RANBP2: variants seen among roughly 807,000 people sequenced by gnomAD.
The protein encoded by RANBP2 is RAN binding protein 2, also known as E3 SUMO-protein ligase RanBP2.
In RANBP2, 57 loss-of-function variants were observed where a neutral mutation model predicts 303.6. The observed-to-expected ratio is 0.19, with a 90% confidence interval of 0.15 to 0.23. The LOEUF (loss-of-function observed/expected upper bound fraction) is 0.23. RANBP2 is among the 10% of genes least tolerant of loss of function. RANBP2 has a pLI of 1.00. For missense variants in RANBP2, 3,138 were observed against 3,780.8 expected, an observed-to-expected ratio of 0.83 and a Z score of 4.46; for synonymous variants, 1,167 against 1,301.5, an observed-to-expected ratio of 0.90 and a Z score of 2.23.
the RANBP2 span, among the ~76,000 whole-genome samples, chr2:108,891,843 G>T: frequency 3.3e-5 from 5 of 152,192 alleles, no homozygotes; most frequent in East Asian, 9.6e-4. Flanking sequence ...TTGGCCTTCA[G>T]GTGACACTTG....
the RANBP2 span, among the ~76,000 whole-genome samples, chr2:108,980,667 C>T: frequency 1.3e-5 from 2 of 151,996 alleles, no homozygotes; most frequent in Non-Finnish European, 2.9e-5. Flanking sequence ...TCTGATAAGA[C>T]GACGTGTTAG....
At chr2:108,721,012 G>A (rs1694196268) in intron 1 of RANBP2, among the ~76,000 whole-genome samples, 1 of 152,102 alleles carries the variant, frequency 6.6e-6, no homozygotes, top group Non-Finnish European at 1.5e-5. Context: ...TCGCGCTACT[G>A]CACTCCAGCC....
chr2:108,876,890 T>C, the RANBP2 span, among the ~76,000 whole-genome samples: 2 of 152,202 alleles, frequency 1.3e-5, no homozygotes, highest in Non-Finnish European at 2.9e-5. Context: ...ACCAGAGATA[T>C]CTCTTGGTAT....
chr2:108,910,596 C>T, the RANBP2 span: 2 of 1,465,836 alleles, frequency 1.4e-6, no homozygotes, highest in Non-Finnish European at 1.9e-6. Flanking sequence ...CTGCGCTCAG[C>T]CCAACCCTGC....
the RANBP2 span, among the ~76,000 whole-genome samples, chr2:108,971,353 G>A: frequency 4.6e-5 from 7 of 152,094 alleles, no homozygotes; most frequent in Non-Finnish European, 7.4e-5. Flanking sequence ...ATTTCAGGCC[G>A]CACCCGAGAC....
the RANBP2 span, chr2:108,876,039 A>G: frequency 1.1e-5 from 14 of 1,239,000 alleles, no homozygotes; most frequent in Non-Finnish European, 1.6e-5. Context: ...CATTGCAGAT[A>G]AACTCTCTAA....
At chr2:109,544,151 G>A in the RANBP2 span, 1 of 1,551,448 alleles carries the variant, frequency 6.4e-7, no homozygotes. Flanking sequence ...TATTGACCTT[G>A]TACTTGAAAG....
At chr2:109,711,248 C>T in the RANBP2 span, among the ~76,000 whole-genome samples, 1 of 152,068 alleles carries the variant, frequency 6.6e-6, no homozygotes, top group African/African-American at 2.4e-5. Flanking sequence ...CCAGCATTCT[C>T]TGCCCTTCTT....
At chr2:108,946,318 C>G in the RANBP2 span, among the ~76,000 whole-genome samples, 2 of 152,216 alleles carry the variant, frequency 1.3e-5, no homozygotes, top group Non-Finnish European at 2.9e-5. Context: ...CCTGGGACAA[C>G]ACATATCTGA....
chr2:109,127,904 G>A, the RANBP2 span: 17 of 152,338 alleles, frequency 1.1e-4, no homozygotes, highest in East Asian at 3.1e-3. Context: ...GCTGTTTAGA[G>A]GATTAAATAA....
At chr2:109,190,015 A>G in the RANBP2 span, among the ~76,000 whole-genome samples, 1 of 152,270 alleles carries the variant, frequency 6.6e-6, no homozygotes, top group Non-Finnish European at 1.5e-5. Context: ...GAAGAAGTCT[A>G]CAGAACTAAA....
At chr2:109,573,015 A>G in the RANBP2 span, among the ~76,000 whole-genome samples, 1 of 152,208 alleles carries the variant, frequency 6.6e-6, no homozygotes, top group Admixed American at 6.5e-5. Context: ...CCAAATTTGG[A>G]AAAGATTAGA....
At chr2:109,698,232 T>C in the RANBP2 span, among the ~76,000 whole-genome samples, 1 of 152,148 alleles carries the variant, frequency 6.6e-6, no homozygotes, top group East Asian at 1.9e-4. Context: ...AATCTGCTGT[T>C]AATCTCATCT....
At chr2:109,072,364 A>T in the RANBP2 span, among the ~76,000 whole-genome samples, 1 of 152,120 alleles carries the variant, frequency 6.6e-6, no homozygotes, top group African/African-American at 2.4e-5. Context: ...TGGCCAGAGG[A>T]TGCACTCACT....
the RANBP2 span, among the ~76,000 whole-genome samples, chr2:109,350,816 C>T: frequency 1.3e-5 from 2 of 152,336 alleles, no homozygotes; most frequent in East Asian, 1.9e-4. Context: ...AGCTTGGTCT[C>T]CCCTCTGGGG....
At chr2:108,773,666 G>GT (rs1558934271) in intron 23 of RANBP2, among the ~76,000 whole-genome samples, 35 of 151,018 alleles carry the variant, frequency 2.3e-4, no homozygotes, top group African/African-American at 8.5e-4. Flanking sequence ...TTTTTGGGGG[G>GT]GGATGGAGTT....
chr2:109,526,509 G>A, the RANBP2 span, among the ~76,000 whole-genome samples: 1 of 152,014 alleles, frequency 6.6e-6, no homozygotes, highest in South Asian at 2.1e-4. Flanking sequence ...GCAGGGTTTT[G>A]CCATGTTAGC....
chr2:109,522,813 G>A, the RANBP2 span, among the ~76,000 whole-genome samples: 16,090 of 152,166 alleles, frequency 0.11, 910 homozygotes, highest in East Asian at 0.21. Flanking sequence ...AATGCAACAC[G>A]CAATCAGCAG....
the RANBP2 span, among the ~76,000 whole-genome samples, chr2:109,336,406 T>C: frequency 6.6e-6 from 1 of 152,220 alleles, no homozygotes; most frequent in Non-Finnish European, 1.5e-5. Context: ...CTCACTAGCA[T>C]GCAAAATACA....
Sources: gnomAD v4.1 joint callset for allele counts (sites outside exome capture counted in the v4.1 genomes callset) on GRCh38, gnomAD v4.1.1 for gene constraint, MANE v1.5 for transcripts, NCBI Gene and HGNC (gene_info 2026-07-23, HGNC 2026-07-21) for gene names.